CACNA1C: variants seen among roughly 807,000 people sequenced by gnomAD.
The protein encoded by CACNA1C is calcium voltage-gated channel subunit alpha1 C.
CACNA1C carries 30 observed loss-of-function variants against 229.0 expected under a neutral mutation model. The observed-to-expected ratio is 0.13, with a 90% CI of 0.10 to 0.18. CACNA1C has a LOEUF of 0.18. CACNA1C is among the 10% of genes least tolerant of loss of function. CACNA1C has a pLI of 1.00. For missense variants in CACNA1C, 1,658 were observed against 2,845.0 expected (o/e 0.58, Z 9.49); for synonymous variants, 1,114 against 1,132.5 (o/e 0.98, Z 0.33).
chr12:2,625,434 G>A (rs971790425), intron 29 of CACNA1C, among the ~76,000 whole-genome samples: 4 of 152,158 alleles, frequency 2.6e-5, no homozygotes, highest in East Asian at 1.9e-4. Context: ...GCGATAACCC[G>A]ACCCACCAAA....
intron 1 of CACNA1C, among the ~76,000 whole-genome samples, chr12:2,095,062 C>T (rs543119499): frequency 1.1e-4 from 17 of 152,318 alleles, no homozygotes; most frequent in South Asian, 8.3e-4. Context: ...TGCCCGGGCT[C>T]ACAGGGCTAG....
chr12:2,174,603 A>C (rs2096590386), intron 3 of CACNA1C, among the ~76,000 whole-genome samples: 1 of 152,050 alleles, frequency 6.6e-6, no homozygotes, highest in Non-Finnish European at 1.5e-5. Flanking sequence ...GCAATTATAT[A>C]ATTTCACCTG....
intron 1 of CACNA1C, among the ~76,000 whole-genome samples, chr12:1,996,923 G>C (rs2041062695): frequency 6.6e-6 from 1 of 152,142 alleles, no homozygotes; most frequent in African/African-American, 2.4e-5. Context: ...CAGTGAAACA[G>C]ATACCCCTAG....
rs903375748 is a variant in CACNA1C, at chr12:2,632,231, C to T, written c.3829-2066C>T. ...ATGTTTTTTCTTAAAGAAGACAAATCTCTGTAGTACTCGGTCCTTCCCCCT... is the reference window on the plus strand; with the variant it reads ...ATGTTTTTTCTTAAAGAAGACAAATTTCTGTAGTACTCGGTCCTTCCCCCT... On this transcript the variant is annotated intron_variant, in intron 29 of 46. Coordinates refer to ENST00000399655, the MANE Select transcript of CACNA1C (RefSeq NM_000719.7). The surrounding 1 kb of genome is among the most constrained non-coding windows in gnomAD (Gnocchi z 4.1). Among the ~76,000 whole-genome samples, 1 of 152,004 alleles carries T rather than the reference C, an allele frequency of 6.6e-6. No individual in the cohort carries two copies. Among genetic ancestry groups the T allele is most frequent in the Non-Finnish European group, 1.5e-5 (1 of 68,010 alleles).
At chr12:2,217,501 A>C (rs374896055) in intron 3 of CACNA1C, 19 of 152,354 alleles carry the variant, frequency 1.2e-4, no homozygotes, top group African/African-American at 4.6e-4. Context: ...AGAAAAACAG[A>C]AATGTATAAA....
intron 6 of CACNA1C, among the ~76,000 whole-genome samples, chr12:2,487,753 A>G (rs1435838602): frequency 6.6e-6 from 1 of 152,084 alleles, no homozygotes; most frequent in Non-Finnish European, 1.5e-5. Flanking sequence ...AAATTCTGAG[A>G]CTTTTTAGCC....
At chr12:2,218,631 T>G (rs1024816737) in intron 3 of CACNA1C, among the ~76,000 whole-genome samples, 6 of 152,096 alleles carry the variant, frequency 3.9e-5, no homozygotes, top group Non-Finnish European at 7.4e-5. Flanking sequence ...GGGAGGGAAA[T>G]TGAGTTAGGA....
rs750289082 is a variant in CACNA1C at position 2,682,582 on chromosome 12, C to T, written c.5477C>T (p.Ala1826Val). The part of the protein sequence containing the change: ...CHSRESQAAM[A>V]GQEETSQDET... ...TCCCGGGAGAGCCAGGCAGCCATGGCGGGTCAGGAGGAGACGTCTCAGGAT... is the reference window on the plus strand; with the variant it reads ...TCCCGGGAGAGCCAGGCAGCCATGGTGGGTCAGGAGGAGACGTCTCAGGAT... The change falls in exon 43 of 47, where the codon GCG (alanine) becomes GTG (valine). Residue 1826 changes from alanine (A) to valine (V), a missense_variant. This residue lies in a region of CACNA1C where 590 missense variants were observed against 700.8 expected (regional missense o/e 0.84). Transcript: ENST00000399655. The T allele has an allele frequency of 1.4e-5, 23 of 1,611,978 alleles. No individual in the cohort carries two copies. The highest frequency in any genetic ancestry group is 1.7e-4 in the Middle Eastern group (1 of 6,056).
At chr12:2,374,140 C>T (rs921849510) in intron 3 of CACNA1C, among the ~76,000 whole-genome samples, 3 of 152,218 alleles carry the variant, frequency 2.0e-5, no homozygotes, top group Non-Finnish European at 4.4e-5. Context: ...AGTAGTCTTC[C>T]CACGTGCACG....
intron 18 of CACNA1C, among the ~76,000 whole-genome samples, chr12:2,590,107 G>C (rs2064550916): frequency 6.6e-6 from 1 of 152,152 alleles, no homozygotes; most frequent in Non-Finnish European, 1.5e-5. Context: ...AAGAACCATG[G>C]CTTTGTCTTC....
intron 31 of CACNA1C, among the ~76,000 whole-genome samples, chr12:2,650,328 G>A (rs2094820069): frequency 6.6e-6 from 1 of 152,180 alleles, no homozygotes; most frequent in East Asian, 1.9e-4. Flanking sequence ...GCAGTTAGAA[G>A]GGCTTTAGCG....
intron 1 of CACNA1C, among the ~76,000 whole-genome samples, chr12:1,984,228 T>G (rs967603437): frequency 2.0e-5 from 3 of 152,096 alleles, no homozygotes; most frequent in Non-Finnish European, 4.4e-5. Context: ...ACATGTAACG[T>G]AACTACCGAT....
intron 3 of CACNA1C, among the ~76,000 whole-genome samples, chr12:2,290,771 G>T (rs11614494): frequency 0.043 from 6,586 of 152,244 alleles, 179 homozygotes; most frequent in Middle Eastern, 0.065. Context: ...TCCTACCAGC[G>T]TGGAATGGTA....
chr12:2,672,064 T>C (rs1337568297), intron 38 of CACNA1C: 5 of 152,242 alleles, frequency 3.3e-5, no homozygotes, highest in Admixed American at 2.6e-4. Context: ...AAGATGAGGC[T>C]TGCATCAGTC....
At chr12:2,489,043 C>T (rs1354909520) in intron 6 of CACNA1C, among the ~76,000 whole-genome samples, 1 of 152,222 alleles carries the variant, frequency 6.6e-6, no homozygotes, top group Non-Finnish European at 1.5e-5. Context: ...GCTTTGAAAC[C>T]AACCCCTGAG....
At chr12:2,465,350 CA>C (rs1417308885) in intron 5 of CACNA1C, among the ~76,000 whole-genome samples, 8 of 151,774 alleles carry the variant, frequency 5.3e-5, no homozygotes, top group African/African-American at 1.5e-4. Flanking sequence ...GAAATGGATT[CA>C]AGGGGAGAGT....
intron 3 of CACNA1C, among the ~76,000 whole-genome samples, chr12:2,439,586 G>A (rs756453248): frequency 6.6e-6 from 1 of 152,150 alleles, no homozygotes; most frequent in African/African-American, 2.4e-5. Flanking sequence ...GGGCAGGGAG[G>A]CAAGTCAGGC....
intron 1 of CACNA1C, among the ~76,000 whole-genome samples, chr12:2,106,699 C>G (rs2078899538): frequency 8.8e-6 from 1 of 114,014 alleles, no homozygotes; most frequent in African/African-American, 3.3e-5. Context: ...GGGCGCCCAC[C>G]CCGGGGAGGG....
chr12:2,268,924 G>A (rs1407684877), intron 3 of CACNA1C, among the ~76,000 whole-genome samples: 2 of 152,144 alleles, frequency 1.3e-5, no homozygotes, highest in African/African-American at 2.4e-5. Context: ...GGCAGACTCT[G>A]AGCATCTTGT....
Sources: allele counts gnomAD v4.1 joint callset (sites outside exome capture counted in the v4.1 genomes callset), GRCh38; gene constraint gnomAD v4.1.1; regional missense constraint gnomAD v4.1.1; non-coding constraint Gnocchi (gnomAD v3.1); transcripts MANE v1.5; gene names NCBI Gene and HGNC (gene_info 2026-07-23, HGNC 2026-07-21).